The following NID2 variants were observed in gnomAD, a reference collection of about 807,000 sequenced individuals.
The protein encoded by NID2 is nidogen 2, also known as nidogen-2.
In NID2, 83 loss-of-function variants were observed where a neutral mutation model predicts 145.4. That is an observed-to-expected ratio of 0.57 (90% CI 0.48 to 0.69). The LOEUF is 0.69. NID2 is among the 30% of genes least tolerant of loss of function. The pLI is 0.00. For synonymous variants in NID2, 739 were observed against 701.3 expected (o/e 1.05, Z -0.85); for missense variants, 1,807 against 1,765.7 (o/e 1.02, Z -0.42).
Position 52,054,166 on chromosome 14 carries a change from C to T in NID2, c.923G>A (p.Ser308Asn), listed in dbSNP as rs1238828580. Reference sequence around the variant, plus strand: ...ATCCAAATTGTCCTCATTATAGTCACTTTCCAGGGCTGTAGCATGGCTGAA... The same window carrying T: ...ATCCAAATTGTCCTCATTATAGTCATTTTCCAGGGCTGTAGCATGGCTGAA... ...RSFSHATALE[S>N]DYNEDNLDYY... is the part of the protein sequence containing the mutation. The change falls in exon 4 of 22, where the codon AGT becomes AAT. Residue 308 changes from serine (S) to asparagine (N), a missense_variant. Physicochemically the swap from Ser to Asn is conservative, Grantham distance 46 (BLOSUM62 1). Transcript: ENST00000216286. The T allele has an allele frequency of 1.9e-6, 3 of 1,614,170 alleles. No homozygotes were observed. The highest frequency in any genetic ancestry group is 2.5e-6 in the Non-Finnish European group (3 of 1,180,026).
intron 11 of NID2, among the ~76,000 whole-genome samples, chr14:52,027,633 T>TACACACACAC (rs59049676): frequency 0.016 from 2,355 of 144,204 alleles, 99 homozygotes; most frequent in East Asian, 0.15. Context: ...GAGCAATTGC[T>TACACACACAC]ACACACACAC....
At chr14:52,062,035 G>A (rs373453743) in intron 2 of NID2, among the ~76,000 whole-genome samples, 1 of 152,156 alleles carries the variant, frequency 6.6e-6, no homozygotes, top group Admixed American at 6.5e-5. Flanking sequence ...ACATTTCACT[G>A]AAGGAAACAG....
chr14:52,054,411 C>T (rs577376124), intron 3 of NID2, 90 bp from the exon 4 acceptor site: 196 of 1,315,152 alleles, frequency 1.5e-4, no homozygotes, highest in Admixed American at 2.1e-4. Context: ...TATTTTAAAA[C>T]GGAAAGACAG....
At chr14:52,058,753 C>A (rs1049897447) in intron 3 of NID2, among the ~76,000 whole-genome samples, 1 of 152,110 alleles carries the variant, frequency 6.6e-6, no homozygotes, top group Non-Finnish European at 1.5e-5. Context: ...TAATAGGGTA[C>A]AAGCTGCTGA....
intron 3 of NID2, among the ~76,000 whole-genome samples, chr14:52,056,570 C>T (rs144788934): frequency 0.016 from 2,427 of 152,022 alleles, 66 homozygotes; most frequent in African/African-American, 0.056. Context: ...TCAAGGTGGG[C>T]GGATCACCTG....
intron 12 of NID2, among the ~76,000 whole-genome samples, chr14:52,025,946 T>G (rs1891572733): frequency 1.3e-5 from 2 of 152,252 alleles, no homozygotes; most frequent in Admixed American, 1.3e-4. Context: ...AGGGCTGAAC[T>G]GAGCCACGGC....
intron 5 of NID2, among the ~76,000 whole-genome samples, chr14:52,043,143 T>C (rs947966033): frequency 1.3e-5 from 2 of 152,290 alleles, no homozygotes; most frequent in African/African-American, 4.8e-5. Flanking sequence ...CTGGGTCCCA[T>C]TGCAGAGTTG....
intron 14 of NID2, among the ~76,000 whole-genome samples, chr14:52,015,835 G>A (rs2140355645): frequency 6.6e-6 from 1 of 152,296 alleles, no homozygotes; most frequent in Non-Finnish European, 1.5e-5. Context: ...GCGCCACGGT[G>A]CCCTCTGTCT....
At chr14:52,037,199 A>G (rs531906644) in intron 9 of NID2, among the ~76,000 whole-genome samples, 7 of 152,366 alleles carry the variant, frequency 4.6e-5, no homozygotes, top group African/African-American at 1.7e-4. Context: ...CAGTGGTCCC[A>G]GCACCATAGT....
chr14:52,068,869 C>A lies in NID2; in HGVS notation c.126G>T (p.Ser42=), dbSNP rs756150707. The A allele has an allele frequency of 2.5e-5, 41 of 1,613,794 alleles. No homozygotes were observed. The East Asian group carries it at 8.7e-4, about 34-fold the overall frequency. ...HPDELFPHGE[S]WGDQLLQEGD... ...CTTCCTGCAGGAGCTGGTCCCCCCACGACTCCCCGTGTGGGAAGAGCTCGT... is the reference window on the plus strand; with the variant it reads ...CTTCCTGCAGGAGCTGGTCCCCCCAAGACTCCCCGTGTGGGAAGAGCTCGT... The change falls in exon 1 of 22, where the codon TCG becomes TCT. Residue 42 remains serine, a synonymous_variant. Transcript: ENST00000216286.
chr14:52,022,988 T>C (rs1891456687), intron 12 of NID2, among the ~76,000 whole-genome samples: 1 of 152,198 alleles, frequency 6.6e-6, no homozygotes, highest in South Asian at 2.1e-4. Flanking sequence ...ACCCTGCTGA[T>C]TGTACCCCTG....
At chr14:52,030,528 G>GA (rs1276331485) in intron 9 of NID2, among the ~76,000 whole-genome samples, 1,147 of 41,066 alleles carry the variant, frequency 0.028, 10 homozygotes, top group South Asian at 0.051. Context: ...AAGAAAGAAA[G>GA]AAAGAAAGAA....
chr14:52,005,531 G>A (rs761585038), intron 21 of NID2, 35 bp from the exon 22 acceptor site: 16 of 1,591,006 alleles, frequency 1.0e-5, no homozygotes, highest in Non-Finnish European at 1.4e-5. Flanking sequence ...ACAGGGTGGT[G>A]GGTGAGTATA....
intron 21 of NID2, 49 bp downstream of exon 21, chr14:52,005,688 C>CTTCTCTACCCTGCTAATTT: frequency 6.7e-7 from 1 of 1,484,748 alleles, no homozygotes; most frequent in Non-Finnish European, 9.4e-7. Flanking sequence ...ATATATATCC[C>CTTCTCTACCCTGCTAATTT]TTCTCTACCC....
At position 52,043,779 on chromosome 14, in the gene NID2, G is replaced by T. The variant is rs115023042; in HGVS notation, c.1430-848C>A. 6.0e-3 allele frequency among the ~76,000 whole-genome samples: 918 copies of T among 152,288 alleles called. 11 individuals are homozygous for T. The highest frequency in any genetic ancestry group is 0.021 in the African/African-American group (860 of 41,554). ...ATAGTTCATAAAGGAAATAGCCAAG[G>T]GGGTAGGGTGTGGCGGGGGTTGTGG... On this transcript the variant is annotated intron_variant, in intron 5 of 21. Transcript: ENST00000216286.
In NID2 at chr14:52,040,659, G is replaced by A; in HGVS notation, c.2018C>T (p.Ser673Phe). The A allele has an allele frequency of 6.2e-7, 1 of 1,613,844 alleles. No individual in the cohort carries two copies. The highest frequency in any genetic ancestry group is 8.5e-7 in the Non-Finnish European group (1 of 1,179,752). The change falls in exon 8 of 22, where the codon TCC (serine) becomes TTC (phenylalanine). Residue 673 changes from serine to phenylalanine, a missense_variant. Transcript: ENST00000216286. ...AGACTGGTTATACATACTGGAGTCG[G>A]AGTAGTGGTACAGCTCCTTGTAGGG... The part of the protein sequence containing the change: ...ISPYKELYHY[S>F]DSTVTSTSSR...
In NID2 at chr14:52,054,210, A is replaced by G. The variant is rs1892775702; in HGVS notation, c.879T>C (p.Ser293=). 2 of 1,614,056 alleles carry G rather than the reference A, an allele frequency of 1.2e-6. No homozygotes were observed. Among genetic ancestry groups the G allele is most frequent in the Admixed American group, 1.7e-5 (1 of 60,008 alleles). ...GGCTGAAGGAACGTCCCAGGGGAACAGAAGAGTGGGCAGCGGAAAGGTCTC... is the reference window on the plus strand; with the variant it reads ...GGCTGAAGGAACGTCCCAGGGGAACGGAAGAGTGGGCAGCGGAAAGGTCTC... ...AVGDLSAAHS[S]VPLGRSFSHA... The change falls in exon 4 of 22, where the codon TCT becomes TCC. Residue 293 remains serine, a synonymous_variant. Coordinates refer to ENST00000216286, the MANE Select transcript of NID2 (RefSeq NM_007361.4).
Position 52,005,502 on chromosome 14 carries a change from A to G in NID2, c.4118-6T>C, listed in dbSNP as rs1467467065. ...TTACTGTACTTACTTTCTTCCTGTG[A>G]GAGAAGAGCAGGGGTGGGACAGGGT... On this transcript the variant is annotated splice_region_variant and splice_polypyrimidine_tract_variant and intron_variant, in intron 21 of 21. Transcript: ENST00000216286. The G allele has an allele frequency of 1.3e-6, 2 of 1,596,856 alleles. No individual in the cohort carries two copies. The highest frequency in any genetic ancestry group is 2.2e-5 in the East Asian group (1 of 44,798).
chr14:52,015,159 A>G lies in NID2; in HGVS notation c.3145T>C (p.Phe1049Leu), dbSNP rs1338800377. The G allele has an allele frequency of 8.1e-6, 13 of 1,613,784 alleles. No homozygotes were observed. Among genetic ancestry groups the G allele is most frequent in the Non-Finnish European group, 9.3e-6 (11 of 1,180,016 alleles). The change falls in exon 15 of 22, where the codon TTC becomes CTC. Residue 1049 changes from phenylalanine (F) to leucine (L), a missense_variant. Phe to Leu is a conservative substitution (Grantham distance 22). Transcript: ENST00000216286. Reference protein sequence around the residue: ...YVPQCDDLGHFIPLQCHGKSD... With the variant: ...YVPQCDDLGHLIPLQCHGKSD... ...TTTCCGTGGCACTGCAGGGGGATGA[A>G]GTGGCCCAGGTCATCGCACTGGGGC...
Sources: allele counts gnomAD v4.1 joint callset (sites outside exome capture counted in the v4.1 genomes callset), GRCh38; gene constraint gnomAD v4.1.1; transcripts MANE v1.5; gene names NCBI Gene and HGNC (gene_info 2026-07-23, HGNC 2026-07-21).